The following LPAR6 variants were observed in gnomAD, a reference collection of about 807,000 sequenced individuals.
LPAR6 encodes G-protein coupled purinergic receptor P2Y5.
A neutral mutation model predicts 22.0 loss-of-function variants in LPAR6; 17 were observed. The observed-to-expected ratio is 0.77, with a 90% confidence interval of 0.53 to 1.16. The LOEUF (loss-of-function observed/expected upper bound fraction) is 1.16, where lower values mean the gene tolerates loss of function less well. Ranked by LOEUF, LPAR6 falls within the 50% of genes most tolerant of loss-of-function variation. LPAR6 has a pLI of 0.00. For missense variants in LPAR6, 384 were observed against 406.9 expected (o/e 0.94, Z 0.48); for synonymous variants, 136 against 139.8 (o/e 0.97, Z 0.19).
At chr13:48,394,989 C>T (rs774951092) in intron 1 of LPAR6, among the ~76,000 whole-genome samples, 13 of 152,206 alleles carry the variant, frequency 8.5e-5, no homozygotes, top group Non-Finnish European at 1.3e-4. Flanking sequence ...ACACCTCATA[C>T]AGGAGAGTTC....
intron 2 of LPAR6, among the ~76,000 whole-genome samples, chr13:48,419,797 A>G (rs975036345): frequency 6.6e-6 from 1 of 152,270 alleles, no homozygotes; most frequent in African/African-American, 2.4e-5. Flanking sequence ...GAAGAAATGG[A>G]TAAATTCCTG....
chr13:48,401,848 A>G (rs958364020), intron 1 of LPAR6, among the ~76,000 whole-genome samples: 5 of 152,202 alleles, frequency 3.3e-5, no homozygotes, highest in African/African-American at 1.2e-4. Context: ...TAAATATAAC[A>G]ACAAATTTAT....
chr13:48,442,374 G>T (rs198570), intron 1 of LPAR6, among the ~76,000 whole-genome samples: 33,091 of 151,950 alleles, frequency 0.22, 3,761 homozygotes, highest in South Asian at 0.27. Flanking sequence ...CTAATTTTTT[G>T]TATTTTTTGT....
upstream of LPAR6, among the ~76,000 whole-genome samples, chr13:48,414,347 A>AG (rs939939507): frequency 5.9e-5 from 9 of 151,866 alleles, no homozygotes; most frequent in Admixed American, 2.0e-4. Context: ...TATCTCAAAA[A>AG]AAAAAAAAAA....
intron 1 of LPAR6, among the ~76,000 whole-genome samples, chr13:48,392,409 C>A (rs563624184): frequency 5.9e-5 from 9 of 152,228 alleles, no homozygotes; most frequent in African/African-American, 2.2e-4. Context: ...CCACGCCTGG[C>A]CTTGTTCTTT....
rs1433928556 is a variant in LPAR6, at chr13:48,412,436, T to C, written c.-13A>G. 6.2e-7 allele frequency: 1 copy of C among 1,604,426 alleles called. No individual in the cohort carries two copies. The highest frequency in any genetic ancestry group is 1.1e-5 in the South Asian group (1 of 90,844). ...TAACGCTTACCATCGTAAAGGCACGTCCAATTTTCAGTTTGGAAGCACTTT... is the reference window on the plus strand; with the variant it reads ...TAACGCTTACCATCGTAAAGGCACGCCCAATTTTCAGTTTGGAAGCACTTT... On this transcript the variant is annotated 5_prime_UTR_variant, in exon 1 of 1. Transcript: ENST00000620633.
At chr13:48,417,512 G>A (rs1948933235), upstream of LPAR6, among the ~76,000 whole-genome samples, 1 of 152,114 alleles carries the variant, frequency 6.6e-6, no homozygotes, top group Non-Finnish European at 1.5e-5. Context: ...AAACCAGAAT[G>A]CCTTTTCTCT....
chr13:48,405,798 T>G (rs1238213736), intron 1 of LPAR6, among the ~76,000 whole-genome samples: 1 of 152,210 alleles, frequency 6.6e-6, no homozygotes, highest in Non-Finnish European at 1.5e-5. Flanking sequence ...CCACCCTTGT[T>G]TTTTGGTTTA....
upstream of LPAR6, among the ~76,000 whole-genome samples, chr13:48,417,983 C>T (rs1001250222): frequency 2.0e-5 from 3 of 152,124 alleles, no homozygotes; most frequent in African/African-American, 7.2e-5. Context: ...GAGAATTTCC[C>T]CAACCTAGCA....
chr13:48,402,550 T>C (rs1459355118), intron 1 of LPAR6, among the ~76,000 whole-genome samples: 2 of 151,916 alleles, frequency 1.3e-5, no homozygotes, highest in Non-Finnish European at 2.9e-5. Flanking sequence ...GCTAATTTTT[T>C]TTATTCTTTG....
chr13:48,416,499 G>A, upstream of LPAR6: 1 of 153,052 alleles, frequency 6.5e-6, no homozygotes, highest in Non-Finnish European at 1.5e-5. Flanking sequence ...GCACAAAACT[G>A]GGCAGCCGTT....
upstream of LPAR6, among the ~76,000 whole-genome samples, chr13:48,414,349 A>G (rs1209517731): frequency 2.0e-5 from 3 of 152,010 alleles, no homozygotes; most frequent in African/African-American, 4.8e-5. Flanking sequence ...TCTCAAAAAA[A>G]AAAAAAAAAA....
intron 1 of LPAR6, chr13:48,404,387 A>G (rs1235630459): frequency 6.6e-6 from 1 of 152,156 alleles, no homozygotes; most frequent in African/African-American, 2.4e-5. Context: ...ATATTTATTC[A>G]TTACCATAAG....
chr13:48,411,720 A>C lies in LPAR6; in HGVS notation c.704T>G (p.Leu235Trp). 6.2e-7 allele frequency: 1 copy of C among 1,605,662 alleles called. No homozygotes were observed. The highest frequency in any genetic ancestry group is 8.5e-7 in the Non-Finnish European group (1 of 1,172,590). Residue 235 changes from leucine (L) to tryptophan (W), a missense_variant, in exon 1 of 1, where the codon TTG becomes TGG. Physicochemically the swap from Leu to Trp is moderately conservative, Grantham distance 61 (BLOSUM62 -2). Transcript: ENST00000620633. Reference sequence around the variant, plus strand: ...AACAAAACAGAAACAGAATATGATCAAATGTACAAAAATCATTTTTAAAAC... The same window carrying C: ...AACAAAACAGAAACAGAATATGATCCAATGTACAAAAATCATTTTTAAAAC... Reference protein sequence around the residue: ...TKVLKMIFVHLIIFCFCFVPY... With the variant: ...TKVLKMIFVHWIIFCFCFVPY...
chr13:48,419,026 C>G (rs198625), intron 2 of LPAR6, among the ~76,000 whole-genome samples: 126,594 of 151,928 alleles, frequency 0.83, 56,286 homozygotes, highest in East Asian at 1. Context: ...CTCAGCTCTG[C>G]ACCAAGCAGA....
At chr13:48,439,514 CACA>C (rs1391297672) in intron 1 of LPAR6, 2 of 152,118 alleles carry the variant, frequency 1.3e-5, no homozygotes, top group Admixed American at 6.6e-5. Context: ...CACCAGTCCA[CACA>C]ACATTTTTGC....
intron 1 of LPAR6, among the ~76,000 whole-genome samples, chr13:48,432,953 G>A (rs1949145364): frequency 6.6e-6 from 1 of 152,054 alleles, no homozygotes; most frequent in Non-Finnish European, 1.5e-5. Flanking sequence ...TTATATAGTT[G>A]AAATCAGAGA....
rs372603211 is a variant in LPAR6 at position 48,402,761 on chromosome 13, A to G, written n.114+12939T>C. On this transcript the variant is annotated intron_variant and non_coding_transcript_variant, in intron 1 of 1. Transcript: ENST00000462781. ...CCCCTCGTTTTAGGTAGCTAAGATT[A>G]TATTGAATCATGTGTGTTTCAGTCT... 9.2e-5 allele frequency among the ~76,000 whole-genome samples: 14 copies of G among 152,254 alleles called. No individual in the cohort carries two copies. The East Asian group carries it at 1.9e-3, about 21-fold the overall frequency.
At chr13:48,406,824 T>A (rs974324132), downstream of LPAR6, 3 of 152,194 alleles carry the variant, frequency 2.0e-5, no homozygotes, top group Non-Finnish European at 2.9e-5. Context: ...GAGGCTGAGG[T>A]GGGAAGATTG....
Sources: gnomAD v4.1 joint callset for allele counts (sites outside exome capture counted in the v4.1 genomes callset) on GRCh38, gnomAD v4.1.1 for gene constraint, MANE v1.5 for transcripts, NCBI Gene and HGNC (gene_info 2026-07-23, HGNC 2026-07-21) for gene names.